The following GSTCD variants were observed in gnomAD, a reference collection of about 807,000 sequenced individuals.
GSTCD encodes the protein glutathione S-transferase C-terminal domain-containing protein.
Under a neutral mutation model 68.3 loss-of-function variants are expected in GSTCD, and 44 were observed. The ratio of observed to expected loss-of-function variants is 0.64; its 90% CI spans 0.51 to 0.83. GSTCD has a LOEUF of 0.83. GSTCD is among the 40% of genes least tolerant of loss of function. GSTCD has a pLI of 0.00. For synonymous variants in GSTCD, 273 were observed against 255.2 expected (o/e 1.07, Z -0.67); for missense variants, 739 against 735.9 (o/e 1.00, Z -0.05).
intron 5 of GSTCD, among the ~76,000 whole-genome samples, chr4:105,797,987 A>G (rs576126639): frequency 6.6e-6 from 1 of 152,058 alleles, no homozygotes; most frequent in Non-Finnish European, 1.5e-5. Context: ...CAGGCAGGTC[A>G]CAATAGAACT....
In GSTCD at chr4:105,722,019, C is replaced by G. The variant is rs1401039879; in HGVS notation, c.894+2492C>G. ...TTATTTTTCAGTTGCTACTAGTAAGCAAGTACACTTTGACAGAAATATTTA... is the reference window on the plus strand; with the variant it reads ...TTATTTTTCAGTTGCTACTAGTAAGGAAGTACACTTTGACAGAAATATTTA... On this transcript the variant is annotated intron_variant, in intron 3 of 11. Transcript: ENST00000515279. Among the ~76,000 whole-genome samples, 3 of 152,202 alleles carry G rather than the reference C, an allele frequency of 2.0e-5. No homozygotes were observed. In the East Asian group the frequency reaches 5.8e-4, roughly 29 times the overall value.
At chr4:105,734,664 C>T (rs1039487478) in intron 5 of GSTCD, among the ~76,000 whole-genome samples, 1 of 152,162 alleles carries the variant, frequency 6.6e-6, no homozygotes, top group African/African-American at 2.4e-5. Context: ...TTGTCTGAAG[C>T]CTTCTTCTTT....
Position 105,717,695 on chromosome 4 carries a change from C to A in GSTCD, c.82C>A (p.Pro28Thr), listed in dbSNP as rs753197339. Residue 28 changes from proline to threonine, a missense_variant, in exon 2 of 12, where the codon CCT (proline) becomes ACT (threonine). Physicochemically the swap from Pro to Thr is conservative, Grantham distance 38. Transcript: ENST00000515279. ...TCACCAAACAGAAGGATGCATCTTT[C>A]CTCTTCATACATCTGTAACTTTATT... ...FSHQTEGCIF[P>T]LHTSVTLFLL... 1 of 1,612,920 alleles carries A rather than the reference C, an allele frequency of 6.2e-7. No homozygotes were observed. The highest frequency in any genetic ancestry group is 8.5e-7 in the Non-Finnish European group (1 of 1,179,168).
At chr4:105,767,651 G>A (rs374954996) in intron 5 of GSTCD, among the ~76,000 whole-genome samples, 2 of 152,224 alleles carry the variant, frequency 1.3e-5, no homozygotes, top group Non-Finnish European at 2.9e-5. Context: ...ACAGAAAACC[G>A]TTTAACATGG....
intron 5 of GSTCD, among the ~76,000 whole-genome samples, chr4:105,734,565 G>A (rs1047833019): frequency 6.6e-6 from 1 of 152,060 alleles, no homozygotes; most frequent in Non-Finnish European, 1.5e-5. Context: ...TCTCTACTCT[G>A]GTTATTCTAG....
chr4:105,768,066 C>G (rs1397473130), intron 5 of GSTCD, among the ~76,000 whole-genome samples: 1 of 148,098 alleles, frequency 6.8e-6, no homozygotes, highest in East Asian at 2.0e-4. Flanking sequence ...GACGGAGTCT[C>G]TCCCTGTCTC....
At chr4:105,715,979 T>C (rs1732668727) in intron 1 of GSTCD, among the ~76,000 whole-genome samples, 1 of 152,134 alleles carries the variant, frequency 6.6e-6, no homozygotes, top group Non-Finnish European at 1.5e-5. Context: ...GATAAAAACC[T>C]TAAGGAATAT....
intron 10 of GSTCD, among the ~76,000 whole-genome samples, chr4:105,839,531 A>C (rs1724253261): frequency 6.6e-6 from 1 of 152,182 alleles, no homozygotes; most frequent in South Asian, 2.1e-4. Context: ...ATTACTCAGG[A>C]GGCTGAAGCA....
intron 11 of GSTCD, among the ~76,000 whole-genome samples, chr4:105,844,413 A>G (rs919190022): frequency 2.0e-5 from 3 of 152,210 alleles, no homozygotes; most frequent in Admixed American, 6.5e-5. Flanking sequence ...AAAATGTACA[A>G]AATAAACATT....
At position 105,846,283 on chromosome 4, in the gene GSTCD, CAAGG is replaced by C. The variant is rs1724541777; in HGVS notation, c.*707_*710del. ...GGAGGATCACTTGAGCCCAGGAAGT[CAAGG>C]CTGCAGTGAGCCTTGATAGCGCCAC... On this transcript the variant is annotated 3_prime_UTR_variant, in exon 12 of 12. Coordinates refer to ENST00000515279, the MANE Select transcript of GSTCD (RefSeq NM_001370181.1). 1 of 151,976 alleles carries C rather than the reference CAAGG, an allele frequency of 6.6e-6. No individual in the cohort carries two copies. Among genetic ancestry groups the C allele is most frequent in the Non-Finnish European group, 1.5e-5 (1 of 67,988 alleles). The allele number at this position is 151,976 out of a possible 1,614,324, so 9.4% of individuals were successfully genotyped here. A position where few individuals can be genotyped will look rare whatever the true frequency, so the allele number is the denominator to read the frequency against.
chr4:105,724,803 T>C (rs1732977018), intron 3 of GSTCD, among the ~76,000 whole-genome samples: 1 of 152,016 alleles, frequency 6.6e-6, no homozygotes, highest in Admixed American at 6.6e-5. Context: ...AGGAATTTAA[T>C]ACTTATTTTA....
chr4:105,831,678 A>G (rs1361790715), intron 8 of GSTCD, among the ~76,000 whole-genome samples: 1 of 152,106 alleles, frequency 6.6e-6, no homozygotes, highest in Non-Finnish European at 1.5e-5. Context: ...TATATTAAGA[A>G]TATAAGCCTT....
chr4:105,713,279 G>A (rs1423482621), intron 1 of GSTCD, among the ~76,000 whole-genome samples: 1 of 152,152 alleles, frequency 6.6e-6, no homozygotes, highest in East Asian at 1.9e-4. Context: ...GGGTCACTGA[G>A]ACATCTGCAG....
chr4:105,763,261 G>C (rs1487371825), intron 5 of GSTCD, among the ~76,000 whole-genome samples: 1 of 152,136 alleles, frequency 6.6e-6, no homozygotes, highest in East Asian at 1.9e-4. Flanking sequence ...GCAGAAATAA[G>C]TAAAAAGGCA....
chr4:105,832,946 T>C (rs962861962), intron 8 of GSTCD, among the ~76,000 whole-genome samples: 1 of 152,190 alleles, frequency 6.6e-6, no homozygotes, highest in African/African-American at 2.4e-5. Flanking sequence ...TGTTGCTGCC[T>C]TTACTGGATA....
chr4:105,724,884 A>G (rs1023411992), intron 3 of GSTCD, among the ~76,000 whole-genome samples: 12 of 152,010 alleles, frequency 7.9e-5, no homozygotes, highest in Non-Finnish European at 1.3e-4. Context: ...TTTTGATATA[A>G]TGTTGTCCAA....
chr4:105,809,271 A>G (rs1722658186), intron 5 of GSTCD, among the ~76,000 whole-genome samples: 1 of 152,076 alleles, frequency 6.6e-6, no homozygotes, highest in Admixed American at 6.6e-5. Context: ...AGACATGAGC[A>G]GAAATGTGGT....
intron 3 of GSTCD, among the ~76,000 whole-genome samples, chr4:105,722,606 A>T (rs1732891891): frequency 6.6e-6 from 1 of 152,068 alleles, no homozygotes; most frequent in Non-Finnish European, 1.5e-5. Context: ...TTGTAAAGGA[A>T]TGCAAAGGAG....
In GSTCD at chr4:105,845,786, G is replaced by A. The variant is rs1396822898; in HGVS notation, c.*209G>A. On this transcript the variant is annotated 3_prime_UTR_variant, in exon 12 of 12. Coordinates refer to ENST00000515279, the MANE Select transcript of GSTCD (RefSeq NM_001370181.1). ...ACAATGTGTGATTAAAGGACTGCTG[G>A]TTTTTATAGTGAGAATCCCCTGAAG... The A allele has an allele frequency of 3.8e-6, 2 of 532,698 alleles. No homozygotes were observed. Among genetic ancestry groups the A allele is most frequent in the Non-Finnish European group, 6.7e-6 (2 of 298,182 alleles). The allele number at this position is 532,698 out of a possible 1,614,324, so 33.0% of individuals were successfully genotyped here.
Sources: allele counts gnomAD v4.1 joint callset (sites outside exome capture counted in the v4.1 genomes callset), GRCh38; gene constraint gnomAD v4.1.1; transcripts MANE v1.5; gene names NCBI Gene and HGNC (gene_info 2026-07-23, HGNC 2026-07-21).